The following ALPL variants were observed in gnomAD, a reference collection of about 807,000 sequenced individuals.
The protein encoded by ALPL is alkaline phosphatase, tissue-nonspecific isozyme.
A neutral mutation model predicts 51.3 loss-of-function variants in ALPL; 42 were observed. The ratio of observed to expected loss-of-function variants is 0.82; its 90% CI spans 0.64 to 1.06. ALPL has a LOEUF of 1.06. Ranked by LOEUF, ALPL falls within the 50% of genes least tolerant of loss-of-function variation. The probability of loss-of-function intolerance (pLI) is 0.00; values close to 1 mark genes in which losing one functional copy is unlikely to be tolerated. For missense variants in ALPL, 589 were observed against 709.4 expected, an observed-to-expected ratio of 0.83 and a Z score of 1.93; for synonymous variants, 279 against 296.4, an observed-to-expected ratio of 0.94 and a Z score of 0.60.
intron 1 of ALPL, among the ~76,000 whole-genome samples, chr1:21,519,447 C>T (rs1042519814): frequency 2.6e-5 from 4 of 152,242 alleles, no homozygotes; most frequent in African/African-American, 9.6e-5. Flanking sequence ...GCAGAGCCTT[C>T]CACGTTTACA....
chr1:21,575,105 C>A (rs1644709073), intron 9 of ALPL, among the ~76,000 whole-genome samples: 1 of 152,234 alleles, frequency 6.6e-6, no homozygotes, highest in Non-Finnish European at 1.5e-5. Context: ...CTGCCACAGG[C>A]ACTGCCCAGG....
At chr1:21,554,427 A>AT (rs1491409176) in intron 2 of ALPL, among the ~76,000 whole-genome samples, 1 of 147,826 alleles carries the variant, frequency 6.8e-6, no homozygotes, top group African/African-American at 2.5e-5. Context: ...ATATTTTTCC[A>AT]TATATATATT....
intron 4 of ALPL, 87 bp from the exon 5 acceptor site, chr1:21,563,023 C>G: frequency 6.4e-7 from 1 of 1,554,870 alleles, no homozygotes; most frequent in Non-Finnish European, 8.9e-7. Context: ...CCCTCACGCC[C>G]CAGTCCCCAT....
intron 1 of ALPL, among the ~76,000 whole-genome samples, chr1:21,514,407 AG>A (rs1203030771): frequency 6.6e-6 from 1 of 152,220 alleles, no homozygotes; most frequent in African/African-American, 2.4e-5. Context: ...CCTGTGCATC[AG>A]TGCATAACCA....
chr1:21,577,514 C>G lies in ALPL; in HGVS notation c.1441C>G (p.Pro481Ala). The change falls in exon 12 of 12, where the codon CCC becomes GCC. Residue 481 changes from proline (P) to alanine (A), a missense_variant. Pro to Ala is a conservative substitution (Grantham distance 27). Transcript: ENST00000374840. Reference sequence around the variant, plus strand: ...CGGCGTCCACGAGCAGAACTACGTCCCCCACGTGATGGCGTATGCAGCCTG... The same window carrying G: ...CGGCGTCCACGAGCAGAACTACGTCGCCCACGTGATGGCGTATGCAGCCTG... The part of the protein sequence containing the change: ...LHGVHEQNYV[P>A]HVMAYAACIG... The G allele has an allele frequency of 6.2e-7, 1 of 1,608,330 alleles. No homozygotes were observed.
chr1:21,573,559 C>T, intron 8 of ALPL, 106 bp from the exon 9 acceptor site: 1 of 1,425,136 alleles, frequency 7.0e-7, no homozygotes, highest in Non-Finnish European at 9.7e-7. Flanking sequence ...CTACCCCAAG[C>T]TGGCTGTGGG....
At chr1:21,571,112 G>A (rs890693729) in intron 8 of ALPL, among the ~76,000 whole-genome samples, 8 of 152,200 alleles carry the variant, frequency 5.3e-5, no homozygotes, top group African/African-American at 1.2e-4. Flanking sequence ...GCATGCACCC[G>A]TGTATCATGC....
intron 11 of ALPL, among the ~76,000 whole-genome samples, chr1:21,577,087 G>A (rs773345165): frequency 2.0e-5 from 3 of 152,086 alleles, no homozygotes; most frequent in Non-Finnish European, 4.4e-5. Context: ...TGGTTCTAGG[G>A]GGTCTAAAGA....
chr1:21,534,395 G>C (rs1029741541), intron 1 of ALPL, among the ~76,000 whole-genome samples: 15 of 152,246 alleles, frequency 9.9e-5, no homozygotes, highest in Non-Finnish European at 1.5e-4. Context: ...ACAAAGGTGG[G>C]TTGGACAATT....
intron 1 of ALPL, among the ~76,000 whole-genome samples, chr1:21,543,094 C>T (rs776514035): frequency 4.0e-5 from 6 of 151,884 alleles, no homozygotes; most frequent in Non-Finnish European, 8.8e-5. Flanking sequence ...GAACTATGAT[C>T]GTGCCACTGC....
chr1:21,561,504 G>A (rs981342296), intron 4 of ALPL, among the ~76,000 whole-genome samples: 4 of 152,036 alleles, frequency 2.6e-5, no homozygotes, highest in African/African-American at 7.3e-5. Context: ...ATCCTCCCAC[G>A]TTAGCCTCCC....
intron 1 of ALPL, among the ~76,000 whole-genome samples, chr1:21,547,666 C>T (rs763320264): frequency 2.0e-5 from 3 of 152,192 alleles, no homozygotes; most frequent in African/African-American, 7.2e-5. Flanking sequence ...AACCAAGGCC[C>T]GGAGAGGTTG....
chr1:21,533,808 G>A (rs1458971417), intron 1 of ALPL, among the ~76,000 whole-genome samples: 2 of 151,704 alleles, frequency 1.3e-5, no homozygotes, highest in African/African-American at 2.4e-5. Flanking sequence ...CTGTAATCCT[G>A]GCTACTCGGG....
At chr1:21,528,613 A>G (rs28879424) in intron 1 of ALPL, among the ~76,000 whole-genome samples, 19,593 of 151,370 alleles carry the variant, frequency 0.13, 1,811 homozygotes, top group East Asian at 0.48. Flanking sequence ...ACCTCCCAAA[A>G]TGCTGGGATT....
chr1:21,537,463 C>T (rs1780315), intron 1 of ALPL, among the ~76,000 whole-genome samples: 103,367 of 152,050 alleles, frequency 0.68, 35,390 homozygotes, highest in East Asian at 0.84. Context: ...GCTGCGATCA[C>T]GGGAAAGTAC....
intron 1 of ALPL, among the ~76,000 whole-genome samples, chr1:21,530,515 T>A (rs1243864670): frequency 2.0e-5 from 3 of 152,164 alleles, no homozygotes; most frequent in Non-Finnish European, 4.4e-5. Flanking sequence ...CGGGAATCCC[T>A]GGACATCAGA....
At chr1:21,566,844 G>A (rs764650794) in intron 6 of ALPL, among the ~76,000 whole-genome samples, 38 of 152,002 alleles carry the variant, frequency 2.5e-4, no homozygotes, top group African/African-American at 6.5e-4. Context: ...TGATCCTCCC[G>A]CCTCAGCCTC....
At chr1:21,566,480 G>A (rs56218223) in intron 6 of ALPL, among the ~76,000 whole-genome samples, 8,097 of 151,940 alleles carry the variant, frequency 0.053, 297 homozygotes, top group African/African-American at 0.095. Flanking sequence ...TAGTAGAGAC[G>A]GGGTTTCGCC....
intron 1 of ALPL, among the ~76,000 whole-genome samples, chr1:21,517,073 G>A (rs915804074): frequency 4.6e-5 from 7 of 152,178 alleles, no homozygotes; most frequent in African/African-American, 1.4e-4. Context: ...ACTATCTCAT[G>A]TCAATTTCTT....
Sources: gnomAD v4.1 joint callset for allele counts (sites outside exome capture counted in the v4.1 genomes callset) on GRCh38, gnomAD v4.1.1 for gene constraint, MANE v1.5 for transcripts, NCBI Gene and HGNC (gene_info 2026-07-23, HGNC 2026-07-21) for gene names.